NDUFB10: variants seen among roughly 807,000 people sequenced by gnomAD.
NDUFB10 encodes the protein NADH:ubiquinone oxidoreductase subunit B10.
In NDUFB10, 23 loss-of-function variants were observed where a neutral mutation model predicts 19.0. The observed-to-expected ratio is 1.21, with a 90% confidence interval of 0.87 to 1.71. The LOEUF (loss-of-function observed/expected upper bound fraction) is 1.71. Ranked by LOEUF, NDUFB10 falls within the 40% of genes most tolerant of loss-of-function variation. The pLI is 0.00. For missense variants in NDUFB10, 312 were observed against 230.6 expected (o/e 1.35, Z -2.29); for synonymous variants, 104 against 81.8 (o/e 1.27, Z -1.46).
At chr16:1,961,435 C>T (rs957190767) in intron 2 of NDUFB10, 62 bp from the exon 3 acceptor site, 3 of 1,600,542 alleles carry the variant, frequency 1.9e-6, no homozygotes, top group South Asian at 2.2e-5. Context: ...TTCAATTGTT[C>T]TCACAGGGTA....
rs755417584 is a variant in NDUFB10 at position 1,961,613 on chromosome 16, T to C, written c.386T>C (p.Val129Ala). The C allele has an allele frequency of 1.5e-5, 24 of 1,613,670 alleles. 1 individual carries two copies. In the South Asian group the frequency reaches 2.1e-4, roughly 14 times the overall value. Residue 129 changes from valine (V) to alanine (A), a missense_variant, in exon 3 of 4, where the codon GTG becomes GCG. Coordinates refer to ENST00000268668, the MANE Select transcript of NDUFB10 (RefSeq NM_004548.3). The part of the protein sequence containing the change: ...CIKEVEQFTQ[V>A]AKAYQDRYQD... ...AAGGAAGTGGAGCAGTTCACCCAGG[T>C]GGCCAAGGCCTACCAGGACCGCTGT...
chr16:1,960,729 G>A (rs776616379), intron 1 of NDUFB10, among the ~76,000 whole-genome samples: 5 of 152,208 alleles, frequency 3.3e-5, no homozygotes, highest in Non-Finnish European at 7.3e-5. Context: ...ATTTCCCAGT[G>A]AGGAAGCTGA....
chr16:1,961,770 C>G, intron 3 of NDUFB10, 27 bp from the exon 4 acceptor site: 2 of 1,547,798 alleles, frequency 1.3e-6, no homozygotes, highest in Non-Finnish European at 1.7e-6. Flanking sequence ...GGCCTCGGTT[C>G]CCAGCTTGTT....
chr16:1,961,363 CAGGGTGGCATGCCCAGATTTT>C, intron 2 of NDUFB10, 72 bp downstream of exon 2: 1 of 1,604,010 alleles, frequency 6.2e-7, no homozygotes, highest in Non-Finnish European at 8.5e-7. Context: ...TGGGATGCCA[CAGGGTGGCATGCCCAGATTTT>C]AGGGGTGACA....
rs1422082658 is a variant in NDUFB10, at chr16:1,961,072, C to T, written c.131-81C>T. On this transcript the variant is annotated intron_variant, in intron 1 of 3. Transcript: ENST00000268668. ...TCAGGAAGTTCTCCTCTCTCCCCTC[C>T]AAAGGGCTTATGAGAAATAAGAAAG... 2.6e-6 allele frequency: 4 copies of T among 1,533,510 alleles called. No individual in the cohort carries two copies. The East Asian group carries it at 6.8e-5, about 26-fold the overall frequency. 95.0% of individuals were successfully genotyped at this position (1,533,510 alleles called of 1,614,324 possible).
In NDUFB10 at chr16:1,961,222, A is replaced by C; in HGVS notation, c.200A>C (p.Asp67Ala). 6.2e-7 allele frequency: 1 copy of C among 1,614,140 alleles called. No individual in the cohort carries two copies. Among genetic ancestry groups the C allele is most frequent in the Non-Finnish European group, 8.5e-7 (1 of 1,180,038 alleles). The change falls in exon 2 of 4, where the codon GAC (aspartate) becomes GCC (alanine). Residue 67 changes from aspartate to alanine, a missense_variant. Asp to Ala is a moderately radical substitution (Grantham distance 126, BLOSUM62 -2). Transcript: ENST00000268668. ...YYHRQYRRVP[D>A]ITECKEEDIM... is the part of the protein sequence containing the mutation. ...CACCGGCAGTACCGCCGCGTGCCAG[A>C]CATCACTGAGTGCAAGGAGGAGGAC... is the stretch of plus-strand genomic sequence containing the variant.
At position 1,959,768 on chromosome 16, in the gene NDUFB10, G is replaced by A. The variant is rs771900816; in HGVS notation, c.130+14G>A. Reference sequence around the variant, plus strand: ...CCCTCGTGAGAGGTACGAAGCCCCAGCCCGGGGCTCCCTCGCCGGCCTCTG... The same window carrying A: ...CCCTCGTGAGAGGTACGAAGCCCCAACCCGGGGCTCCCTCGCCGGCCTCTG... On this transcript the variant is annotated intron_variant, in intron 1 of 3. Coordinates refer to ENST00000268668, the MANE Select transcript of NDUFB10 (RefSeq NM_004548.3). The A allele has an allele frequency of 7.4e-6, 12 of 1,612,394 alleles. No homozygotes were observed. The highest frequency in any genetic ancestry group is 1.0e-5 in the Non-Finnish European group (12 of 1,179,468).
chr16:1,959,901 G>T, intron 1 of NDUFB10, 147 bp downstream of exon 1: 1 of 1,118,486 alleles, frequency 8.9e-7, no homozygotes, highest in Non-Finnish European at 1.3e-6. Context: ...CACCCCCGGA[G>T]ACCTCCGAGC....
chr16:1,961,039 T>TG, intron 1 of NDUFB10, 114 bp from the exon 2 acceptor site: 1 of 1,318,204 alleles, frequency 7.6e-7, no homozygotes, highest in Non-Finnish European at 1.0e-6. Flanking sequence ...TTCTAAACGC[T>TG]GGAACACTCA....
chr16:1,961,630 G>A lies in NDUFB10; in HGVS notation c.403G>A (p.Asp135Asn), dbSNP rs902376392. The change falls in exon 3 of 4, where the codon GAC becomes AAC. Residue 135 changes from aspartate (D) to asparagine (N), a missense_variant. By Grantham distance (23) the Asp-to-Asn change is conservative (BLOSUM62 1). Transcript: ENST00000268668. ...QFTQVAKAYQDRYQDLGAYSS... is the reference protein window; with the variant it reads ...QFTQVAKAYQNRYQDLGAYSS... ...CACCCAGGTGGCCAAGGCCTACCAG[G>A]ACCGCTGTGCGTGCCCCACCCACCC... 3 of 1,611,738 alleles carry A rather than the reference G, an allele frequency of 1.9e-6. No homozygotes were observed. The highest frequency in any genetic ancestry group is 1.7e-5 in the Admixed American group (1 of 59,874).
chr16:1,961,891 C>T lies in NDUFB10; in HGVS notation c.504C>T (p.Ala168=), dbSNP rs963150022. 1.1e-5 allele frequency: 17 copies of T among 1,561,354 alleles called. No homozygotes were observed. The highest frequency in any genetic ancestry group is 9.5e-5 in the African/African-American group (7 of 73,720). Residue 168 remains alanine, a synonymous_variant, in exon 4 of 4, where the codon GCC becomes GCT. Transcript: ENST00000268668. ...LQERKAAKEA[A]AATS The stretch of plus-strand genomic sequence containing the variant: ...AGAGAAAAGCTGCAAAAGAGGCCGC[C>T]GCTGCCACCTCCTGAGGCAGCTGTG...
chr16:1,961,094 A>C, intron 1 of NDUFB10, 59 bp from the exon 2 acceptor site: 2 of 1,586,708 alleles, frequency 1.3e-6, no homozygotes, highest in African/African-American at 1.4e-5. Context: ...GAGAAATAAG[A>C]AAGCTAAAAG....
At position 1,961,643 on chromosome 16, in the gene NDUFB10, G is replaced by GGGCCCCCCCCCCCCCCCCCCCCCCCCC; in HGVS notation, c.409+7_409+8insGGCCCCCCCCCCCCCCCCCCCCCCCCC. ...AAGGCCTACCAGGACCGCTGTGCGT[G>GGGCCCCCCCCCCCCCCCCCCCCCCCCC]CCCCACCCACCCCCAACCCCCCACC... On this transcript the variant is annotated splice_region_variant and intron_variant, in intron 3 of 3. Transcript: ENST00000268668. 4 of 1,547,168 alleles carry GGGCCCCCCCCCCCCCCCCCCCCCCCCC rather than the reference G, an allele frequency of 2.6e-6. No individual in the cohort carries two copies. Among genetic ancestry groups the GGGCCCCCCCCCCCCCCCCCCCCCCCCC allele is most frequent in the African/African-American group, 1.5e-5 (1 of 67,526 alleles).
rs957025914 is a variant in NDUFB10 at position 1,959,741 on chromosome 16, G to T, written c.117G>T (p.Val39=). The change falls in exon 1 of 4, where the codon GTG becomes GTT. Residue 39 remains valine (V), a synonymous_variant. Transcript: ENST00000268668. ...TCGACCTCATCGTGGACCGACCCGT[G>T]ACCCTCGTGAGAGGTACGAAGCCCC... ...KAFDLIVDRP[V]TLVREFIERQ... The T allele has an allele frequency of 6.2e-7, 1 of 1,613,226 alleles. No homozygotes were observed. The highest frequency in any genetic ancestry group is 2.2e-5 in the East Asian group (1 of 44,864).
chr16:1,959,596 C>G lies in NDUFB10; in HGVS notation c.-29C>G, dbSNP rs1184631403. The stretch of plus-strand genomic sequence containing the variant: ...GAGGTAGAGGCCAGGGCAGCGCGTC[C>G]GGGAGCGGAGTCCGCGCCCGCCGCC... On this transcript the variant is annotated 5_prime_UTR_variant, in exon 1 of 4. Transcript: ENST00000268668. 1 of 1,593,736 alleles carries G rather than the reference C, an allele frequency of 6.3e-7. No homozygotes were observed. Among genetic ancestry groups the G allele is most frequent in the Non-Finnish European group, 8.5e-7 (1 of 1,170,418 alleles).
At chr16:1,961,101 A>ATTT (rs2083250980) in intron 1 of NDUFB10, 52 bp from the exon 2 acceptor site, 1 of 1,599,828 alleles carries the variant, frequency 6.3e-7, no homozygotes, top group Non-Finnish European at 8.5e-7. Context: ...AAGAAAGCTA[A>ATTT]AAGCCTGTCC....
Position 1,961,643 on chromosome 16 carries a change from G to GGGGGCCCCC in NDUFB10, c.409+7_409+8insGGGGCCCCC. On this transcript the variant is annotated splice_region_variant and intron_variant, in intron 3 of 3. Coordinates refer to ENST00000268668, the MANE Select transcript of NDUFB10 (RefSeq NM_004548.3). ...AAGGCCTACCAGGACCGCTGTGCGT[G>GGGGGCCCCC]CCCCACCCACCCCCAACCCCCCACC... is the stretch of plus-strand genomic sequence containing the variant. The GGGGGCCCCC allele has an allele frequency of 6.5e-7, 1 of 1,547,242 alleles. No individual in the cohort carries two copies. Among genetic ancestry groups the GGGGGCCCCC allele is most frequent in the Non-Finnish European group, 8.8e-7 (1 of 1,141,076 alleles).
At position 1,961,597 on chromosome 16, in the gene NDUFB10, GAGC is replaced by G. The variant is rs907166700; in HGVS notation, c.373_375del (p.Gln125del). 7 of 1,613,844 alleles carry G rather than the reference GAGC, an allele frequency of 4.3e-6. No individual in the cohort carries two copies. Among genetic ancestry groups the G allele is most frequent in the Non-Finnish European group, 5.1e-6 (6 of 1,180,022 alleles). On this transcript the variant is annotated inframe_deletion, in exon 3 of 4. Coordinates refer to ENST00000268668, the MANE Select transcript of NDUFB10 (RefSeq NM_004548.3). ...CCAGCAGAACTGTATCAAGGAAGTGGAGCAGTTCACCCAGGTGGCCAAGGCCTA... is the reference window on the plus strand; with the variant it reads ...CCAGCAGAACTGTATCAAGGAAGTGGAGTTCACCCAGGTGGCCAAGGCCTA...
At chr16:1,960,207 C>T (rs2083244167) in intron 1 of NDUFB10, among the ~76,000 whole-genome samples, 1 of 137,402 alleles carries the variant, frequency 7.3e-6, no homozygotes, top group Non-Finnish European at 1.5e-5. Context: ...CGGGAAAATG[C>T]CCAGTTCAGT....
Sources: allele counts gnomAD v4.1 joint callset (sites outside exome capture counted in the v4.1 genomes callset), GRCh38; gene constraint gnomAD v4.1.1; transcripts MANE v1.5; gene names NCBI Gene and HGNC (gene_info 2026-07-23, HGNC 2026-07-21).